Variants in DUT observed in about 807,000 individuals in gnomAD.
DUT encodes the protein deoxyuridine triphosphatase.
Under a neutral mutation model 28.8 loss-of-function variants are expected in DUT, and 21 were observed. The observed-to-expected ratio is 0.73, with a 90% confidence interval of 0.52 to 1.05. The LOEUF is 1.05. Among genes scored for constraint, DUT ranks in the 50% least tolerant of loss-of-function variants. The pLI, the probability that DUT is intolerant of heterozygous loss-of-function variation, is 0.00. For synonymous variants in DUT, 147 were observed against 143.7 expected (o/e 1.02, Z -0.17); for missense variants, 344 against 351.8 (o/e 0.98, Z 0.18).
At chr15:48,337,990 C>G (rs1404951825) in intron 4 of DUT, among the ~76,000 whole-genome samples, 1 of 152,122 alleles carries the variant, frequency 6.6e-6, no homozygotes, top group Non-Finnish European at 1.5e-5. Context: ...AAACTTTTGC[C>G]TGAAGTCAGT....
Position 48,332,361 on chromosome 15 carries a change from C to T in DUT, c.374C>T (p.Ala125Val). The stretch of plus-strand genomic sequence containing the variant: ...GCCCGGCTCTCCGAGCACGCCACGG[C>T]CCCCACCCGGGGCTCCGCGCGCGCC... ...RFARLSEHAT[A>V]PTRGSARAAG... The change falls in exon 2 of 7, where the codon GCC becomes GTC. Residue 125 changes from alanine (A) to valine (V), a missense_variant. Ala to Val is a moderately conservative substitution (Grantham distance 64). Transcript: ENST00000331200. 6.3e-7 allele frequency: 1 copy of T among 1,598,940 alleles called. No homozygotes were observed. The highest frequency in any genetic ancestry group is 8.5e-7 in the Non-Finnish European group (1 of 1,174,526).
chr15:48,331,221 C>T, upstream of DUT: 1 of 1,494,660 alleles, frequency 6.7e-7, no homozygotes, highest in Non-Finnish European at 8.9e-7. Context: ...GGGCCCGGGC[C>T]TGGCGTACAC....
Position 48,331,571 on chromosome 15 carries a change from T to C in DUT, c.56T>C (p.Leu19Pro). 2.5e-6 allele frequency: 4 copies of C among 1,606,324 alleles called. No homozygotes were observed. The highest frequency in any genetic ancestry group is 3.4e-6 in the Non-Finnish European group (4 of 1,177,148). Residue 19 changes from leucine (L) to proline (P), a missense_variant, in exon 1 of 7, where the codon CTT becomes CCT. Physicochemically the swap from Leu to Pro is moderately conservative, Grantham distance 98. Coordinates refer to ENST00000331200, the MANE Select transcript of DUT (RefSeq NM_001025248.2). ...ALCYHFLTSL[L>P]RSAMQNARGA... ...TGCTACCATTTCCTTACGTCTCTGC[T>C]TCGCTCAGCGATGCAAAACGCGCGA...
In DUT at chr15:48,332,372, G is replaced by C; in HGVS notation, c.385G>C (p.Gly129Arg). 6.3e-7 allele frequency: 1 copy of C among 1,589,760 alleles called. No individual in the cohort carries two copies. The highest frequency in any genetic ancestry group is 8.5e-7 in the Non-Finnish European group (1 of 1,170,590). The stretch of plus-strand genomic sequence containing the variant: ...CGAGCACGCCACGGCCCCCACCCGG[G>C]GCTCCGCGCGCGCCGCGGGCTACGA... ...LSEHATAPTR[G>R]SARAAGYDLY... Residue 129 changes from glycine to arginine, a missense_variant, in exon 2 of 7, where the codon GGC (glycine) becomes CGC (arginine). Physicochemically the swap from Gly to Arg is moderately radical, Grantham distance 125. Transcript: ENST00000331200.
intron 4 of DUT, among the ~76,000 whole-genome samples, chr15:48,340,734 A>T (rs2042524537): frequency 6.6e-6 from 1 of 152,204 alleles, no homozygotes; most frequent in Non-Finnish European, 1.5e-5. Flanking sequence ...GGTGGTTCAG[A>T]TTAAAAGGAG....
chr15:48,331,374 C>A (rs915390684), upstream of DUT: 9 of 1,468,942 alleles, frequency 6.1e-6, no homozygotes, highest in African/African-American at 1.4e-5. Flanking sequence ...GCTGCCGGGG[C>A]ACCGCCTCTC....
At chr15:48,332,577 T>C in intron 2 of DUT, 171 bp downstream of exon 2, 1 of 731,658 alleles carries the variant, frequency 1.4e-6, no homozygotes, top group Non-Finnish European at 2.3e-6. Context: ...AATAGAGATT[T>C]GGGCAAAGAC....
chr15:48,331,187 C>T (rs2042401726), upstream of DUT: 6 of 1,519,416 alleles, frequency 3.9e-6, no homozygotes, highest in East Asian at 5.1e-5. Context: ...GCGGTGCCGC[C>T]CCAGGTAAAT....
rs1426521053 is a variant in DUT at position 48,342,137 on chromosome 15, A to G, written c.*59A>G. 2 of 1,242,126 alleles carry G rather than the reference A, an allele frequency of 1.6e-6. No individual in the cohort carries two copies. The highest frequency in any genetic ancestry group is 2.2e-6 in the Non-Finnish European group (2 of 914,780). The allele number at this position is 1,242,126 out of a possible 1,614,324, so 76.9% of individuals were successfully genotyped here. A position where few individuals can be genotyped will look rare whatever the true frequency, so the allele number is the denominator to read the frequency against. ...ACCTTTTTCTTAAAAAAAAAAAAAA[A>G]GTTTTTGCTTCAAGTGTTTTGGTGT... On this transcript the variant is annotated 3_prime_UTR_variant, in exon 7 of 7. Transcript: ENST00000331200.
chr15:48,335,919 G>T, intron 3 of DUT, 127 bp from the exon 4 acceptor site: 1 of 719,994 alleles, frequency 1.4e-6, no homozygotes, highest in South Asian at 1.8e-5. Context: ...TCAAAACCAT[G>T]TGCTAAAGTT....
In DUT at chr15:48,341,544, A is replaced by G; in HGVS notation, c.661A>G (p.Ile221Val). Residue 221 changes from isoleucine (I) to valine (V), a missense_variant, in exon 6 of 7, where the codon ATT becomes GTT. Coordinates refer to ENST00000331200, the MANE Select transcript of DUT (RefSeq NM_001025248.2). ...AAAAGGTGATCGAATTGCACAGCTC[A>G]TTTGCGAACGGATTTTTTATCCAGA... ...VKKGDRIAQLICERIFYPEIE... is the reference protein window; with the variant it reads ...VKKGDRIAQLVCERIFYPEIE... The G allele has an allele frequency of 1.2e-6, 2 of 1,612,386 alleles. No individual in the cohort carries two copies. The highest frequency in any genetic ancestry group is 1.7e-6 in the Non-Finnish European group (2 of 1,178,774).
At chr15:48,336,776 C>T (rs2042481053) in intron 4 of DUT, among the ~76,000 whole-genome samples, 2 of 152,196 alleles carry the variant, frequency 1.3e-5, no homozygotes. Context: ...CCTTGGCCCC[C>T]ACATAAGTAG....
Position 48,341,572 on chromosome 15 carries a change from TAGA to T in DUT, c.695_697del (p.Glu232del), listed in dbSNP as rs774179371. The T allele has an allele frequency of 1.9e-5, 31 of 1,612,038 alleles. No homozygotes were observed. Among genetic ancestry groups the T allele is most frequent in the African/African-American group, 5.3e-5 (4 of 74,816 alleles). ...TGCGAACGGATTTTTTATCCAGAAATAGAAGAAGTTCAAGTAAGTATTACAAAG... is the reference window on the plus strand; with the variant it reads ...TGCGAACGGATTTTTTATCCAGAAATAGAAGTTCAAGTAAGTATTACAAAG... On this transcript the variant is annotated inframe_deletion, in exon 6 of 7. Coordinates refer to ENST00000331200, the MANE Select transcript of DUT (RefSeq NM_001025248.2).
intron 3 of DUT, 36 bp downstream of exon 3, chr15:48,334,544 G>T: frequency 2.1e-6 from 3 of 1,440,852 alleles, no homozygotes; most frequent in African/African-American, 2.8e-5. Context: ...TATTTGTCAA[G>T]TTCTCCTTTG....
intron 4 of DUT, among the ~76,000 whole-genome samples, chr15:48,337,316 A>T (rs1566873843): frequency 6.6e-6 from 1 of 152,216 alleles, no homozygotes; most frequent in Non-Finnish European, 1.5e-5. Context: ...TAACTTAAGG[A>T]TATAAATAAT....
rs1354638905 is a variant in DUT at position 48,342,903 on chromosome 15, G to A, written c.*825G>A. On this transcript the variant is annotated 3_prime_UTR_variant, in exon 7 of 7. Transcript: ENST00000331200. ...AATGAAATAATACTTCAGCCACCAG[G>A]TTTTTCTGTCTCACATACATAAGCA... 2.0e-5 allele frequency: 3 copies of A among 152,214 alleles called. No individual in the cohort carries two copies. The highest frequency in any genetic ancestry group is 7.2e-5 in the African/African-American group (3 of 41,448). 9.4% of individuals were successfully genotyped at this position (152,214 alleles called of 1,614,324 possible). A position where few individuals can be genotyped will look rare whatever the true frequency, so the allele number is the denominator to read the frequency against.
At chr15:48,336,124 T>G (rs1277962874) in intron 4 of DUT, 34 bp downstream of exon 4, 2 of 1,529,700 alleles carry the variant, frequency 1.3e-6, no homozygotes, top group Non-Finnish European at 1.8e-6. Context: ...TGTAAATGTT[T>G]GCAAGTATTT....
chr15:48,342,151 G>A lies in DUT; in HGVS notation c.*73G>A, dbSNP rs922383188. The A allele has an allele frequency of 1.2e-5, 13 of 1,073,470 alleles. No homozygotes were observed. The Admixed American group carries it at 1.5e-4, about 12-fold the overall frequency. 66.5% of individuals were successfully genotyped at this position (1,073,470 alleles called of 1,614,324 possible). On this transcript the variant is annotated 3_prime_UTR_variant, in exon 7 of 7. Coordinates refer to ENST00000331200, the MANE Select transcript of DUT (RefSeq NM_001025248.2). Reference sequence around the variant, plus strand: ...AAAAAAAAAAAAGTTTTTGCTTCAAGTGTTTTGGTGTTTTGCACTTCTGTA... The same window carrying A: ...AAAAAAAAAAAAGTTTTTGCTTCAAATGTTTTGGTGTTTTGCACTTCTGTA...
chr15:48,331,131 C>A (rs2042400488), upstream of DUT: 6 of 1,292,882 alleles, frequency 4.6e-6, no homozygotes, highest in Non-Finnish European at 4.0e-6. Context: ...GCGGTTCCGG[C>A]GCTTAGGGCG....
Sources: gnomAD v4.1 joint callset for allele counts (sites outside exome capture counted in the v4.1 genomes callset) on GRCh38, gnomAD v4.1.1 for gene constraint, MANE v1.5 for transcripts, NCBI Gene and HGNC (gene_info 2026-07-23, HGNC 2026-07-21) for gene names.